The following UBE3D variants were observed in gnomAD, a reference collection of about 807,000 sequenced individuals.
The protein encoded by UBE3D is E3 ubiquitin-protein ligase E3D.
UBE3D carries 48 observed loss-of-function variants against 49.6 expected under a neutral mutation model. The ratio of observed to expected loss-of-function variants is 0.97; its 90% CI spans 0.77 to 1.23. UBE3D has a LOEUF of 1.23. Among genes scored for constraint, UBE3D ranks in the 50% most tolerant of loss-of-function variants. The probability of loss-of-function intolerance (pLI) is 0.00; values close to 1 mark genes in which losing one functional copy is unlikely to be tolerated. For synonymous variants in UBE3D, 189 were observed against 174.2 expected (o/e 1.08, Z -0.67); for missense variants, 452 against 468.4 (o/e 0.96, Z 0.32).
chr6:82,912,846 A>G (rs1772627529), intron 9 of UBE3D, among the ~76,000 whole-genome samples: 1 of 152,166 alleles, frequency 6.6e-6, no homozygotes, highest in Admixed American at 6.5e-5. Context: ...AAAACAACAA[A>G]CAACCTTTTT....
At chr6:82,943,466 T>C (rs1260493328) in intron 9 of UBE3D, among the ~76,000 whole-genome samples, 2 of 151,998 alleles carry the variant, frequency 1.3e-5, no homozygotes, top group African/African-American at 2.4e-5. Flanking sequence ...TGAAACCCCG[T>C]GTCCACTAAA....
chr6:82,937,546 C>T (rs144990026), intron 9 of UBE3D, among the ~76,000 whole-genome samples: 40 of 152,296 alleles, frequency 2.6e-4, no homozygotes, highest in African/African-American at 8.9e-4. Context: ...ACGAAGTCCT[C>T]TCAGTAGCAG....
At chr6:82,980,080 T>C (rs1778009605) in intron 8 of UBE3D, among the ~76,000 whole-genome samples, 1 of 152,094 alleles carries the variant, frequency 6.6e-6, no homozygotes, top group Non-Finnish European at 1.5e-5. Context: ...TTTTTGATAA[T>C]AATGATTTAT....
Position 82,892,939 on chromosome 6 carries a change from T to C in UBE3D, c.*83A>G. 1 of 1,494,884 alleles carries C rather than the reference T, an allele frequency of 6.7e-7. No homozygotes were observed. Among genetic ancestry groups the C allele is most frequent in the African/African-American group, 1.4e-5 (1 of 72,576 alleles). The allele number at this position is 1,494,884 out of a possible 1,614,324, so 92.6% of individuals were successfully genotyped here. A position where few individuals can be genotyped will look rare whatever the true frequency, so the allele number is the denominator to read the frequency against. On this transcript the variant is annotated 3_prime_UTR_variant, in exon 10 of 10. Coordinates refer to ENST00000369747, the MANE Select transcript of UBE3D (RefSeq NM_198920.3). ...CTCTGGTTCTTGTCTTTGTAATTGA[T>C]GCCTCCTGAGCTGACTGCTGGCCTC...
chr6:83,001,887 T>C (rs919945371), intron 8 of UBE3D, among the ~76,000 whole-genome samples: 10 of 152,182 alleles, frequency 6.6e-5, no homozygotes, highest in Admixed American at 2.0e-4. Context: ...GTGAAACGCG[T>C]ATCACAGAGA....
At chr6:82,887,389 G>GTTTTTGTTTTTT in the UBE3D span, among the ~76,000 whole-genome samples, 2 of 98,366 alleles carry the variant, frequency 2.0e-5, no homozygotes, top group African/African-American at 1.0e-4. Flanking sequence ...GACAGTAACA[G>GTTTTTGTTTTTT]TTTTTTTTTT....
intron 8 of UBE3D, among the ~76,000 whole-genome samples, chr6:82,961,910 C>T (rs1045896061): frequency 6.7e-6 from 1 of 149,950 alleles, no homozygotes; most frequent in Non-Finnish European, 1.5e-5. Context: ...TGTGGTGAGA[C>T]GAGATCATGC....
At chr6:83,016,664 T>C in intron 8 of UBE3D, among the ~76,000 whole-genome samples, 1 of 151,232 alleles carries the variant, frequency 6.6e-6, no homozygotes, top group South Asian at 2.1e-4. Flanking sequence ...TATAAAGCCA[T>C]ATATAAATCT....
rs6927059 is a variant in UBE3D at position 83,042,974 on chromosome 6, G to A, written c.597+1454C>T. Among the ~76,000 whole-genome samples the A allele has an allele frequency of 8.9e-3, 1,352 of 152,280 alleles. 23 individuals carry two copies. The highest frequency in any genetic ancestry group is 0.031 in the African/African-American group (1,287 of 41,548). On this transcript the variant is annotated intron_variant, in intron 4 of 9. Transcript: ENST00000369747. ...CAATTAAAGAGGGACTTTCATCTAG[G>A]CTAACTTGAAGAAAATCTTTTCAAC...
chr6:83,018,059 A>G (rs1312709951), intron 8 of UBE3D: 1 of 152,178 alleles, frequency 6.6e-6, no homozygotes, highest in Non-Finnish European at 1.5e-5. Context: ...TTTACCTTGT[A>G]TATATCTCTT....
intron 8 of UBE3D, among the ~76,000 whole-genome samples, chr6:82,960,397 C>T (rs568188211): frequency 9.1e-4 from 138 of 152,172 alleles, no homozygotes; most frequent in African/African-American, 3.1e-3. Context: ...ACCCCTTCCT[C>T]ATGCTCTCCA....
At chr6:82,930,674 T>C (rs1246185848) in intron 9 of UBE3D, among the ~76,000 whole-genome samples, 1 of 152,148 alleles carries the variant, frequency 6.6e-6, no homozygotes, top group Non-Finnish European at 1.5e-5. Context: ...ACTGGCAGCA[T>C]TTTGCCCCTG....
intron 3 of UBE3D, among the ~76,000 whole-genome samples, chr6:83,047,504 T>G (rs1327540088): frequency 6.6e-6 from 1 of 152,198 alleles, no homozygotes; most frequent in Non-Finnish European, 1.5e-5. Context: ...TACCTGGAAC[T>G]ACGTCGTGTG....
At chr6:82,890,795 GT>G (rs1254447838), downstream of UBE3D, among the ~76,000 whole-genome samples, 1 of 152,154 alleles carries the variant, frequency 6.6e-6, no homozygotes, top group Non-Finnish European at 1.5e-5. Context: ...TTCTAGTTGG[GT>G]TTTTTTGAGC....
intron 9 of UBE3D, among the ~76,000 whole-genome samples, chr6:82,918,291 A>G (rs1037772643): frequency 1.0e-4 from 15 of 147,150 alleles, no homozygotes; most frequent in African/African-American, 3.8e-4. Context: ...CAACAACAAC[A>G]AAAAAAAAAC....
chr6:83,047,747 T>C (rs1783165887), intron 3 of UBE3D, among the ~76,000 whole-genome samples: 1 of 152,046 alleles, frequency 6.6e-6, no homozygotes, highest in Admixed American at 6.6e-5. Flanking sequence ...GAAATACCAT[T>C]TTCCTGTACA....
rs148795911 is a variant in UBE3D, at chr6:82,987,821, T to C, written c.1011-30371A>G. 6.4e-4 allele frequency among the ~76,000 whole-genome samples: 97 copies of C among 152,298 alleles called. 1 individual carries two copies. In the East Asian group the frequency reaches 0.014, roughly 22 times the overall value. On this transcript the variant is annotated intron_variant, in intron 8 of 9. Coordinates refer to ENST00000369747, the MANE Select transcript of UBE3D (RefSeq NM_198920.3). Reference sequence around the variant, plus strand: ...ATGTAAAAACTGAAAACAATTTAAATGTCCACAGAAAGAATAACAGATATA... The same window carrying C: ...ATGTAAAAACTGAAAACAATTTAAACGTCCACAGAAAGAATAACAGATATA...
chr6:82,947,352 A>G (rs1230092286), intron 9 of UBE3D, among the ~76,000 whole-genome samples: 1 of 152,014 alleles, frequency 6.6e-6, no homozygotes, highest in African/African-American at 2.4e-5. Flanking sequence ...ATAACTGGAG[A>G]CTTCAACACC....
At chr6:83,010,730 A>C (rs528566130) in intron 8 of UBE3D, among the ~76,000 whole-genome samples, 27 of 152,324 alleles carry the variant, frequency 1.8e-4, no homozygotes, top group African/African-American at 6.5e-4. Context: ...AGAAGCATCC[A>C]GCATAGGAGA....
Sources: gnomAD v4.1 joint callset for allele counts (sites outside exome capture counted in the v4.1 genomes callset) on GRCh38, gnomAD v4.1.1 for gene constraint, MANE v1.5 for transcripts, NCBI Gene and HGNC (gene_info 2026-07-23, HGNC 2026-07-21) for gene names.